The following SLCO3A1 variants were observed in gnomAD, a reference collection of about 807,000 sequenced individuals.
SLCO3A1 encodes the protein PGE1 transporter.
SLCO3A1 carries 27 observed loss-of-function variants against 63.1 expected under a neutral mutation model. The ratio of observed to expected loss-of-function variants is 0.43; its 90% CI spans 0.32 to 0.59. SLCO3A1 has a LOEUF of 0.59. Among genes scored for constraint, SLCO3A1 ranks in the 20% least tolerant of loss-of-function variants. The pLI is 0.09. For missense variants in SLCO3A1, 773 were observed against 945.8 expected (o/e 0.82, Z 2.40); for synonymous variants, 473 against 409.9 (o/e 1.15, Z -1.86).
chr15:92,166,974 A>C (rs1307156468), downstream of SLCO3A1, among the ~76,000 whole-genome samples: 1 of 152,256 alleles, frequency 6.6e-6, no homozygotes, highest in African/African-American at 2.4e-5. Flanking sequence ...GTGGCAAGCT[A>C]TGAAGGTCAG....
At position 91,927,031 on chromosome 15, in the gene SLCO3A1, T is replaced by C. The variant is rs182074293; in HGVS notation, c.646+10573T>C. On this transcript the variant is annotated intron_variant, in intron 2 of 9. Coordinates refer to ENST00000318445, the MANE Select transcript of SLCO3A1 (RefSeq NM_013272.4). ...TTAGAGACTGGAATGTTGTTCACTG[T>C]TCAGCTCTTAGCTTGTTTTGCTCCC... 6.6e-5 allele frequency among the ~76,000 whole-genome samples: 10 copies of C among 152,264 alleles called. No individual in the cohort carries two copies. The East Asian group carries it at 1.5e-3, about 24-fold the overall frequency.
intron 2 of SLCO3A1, among the ~76,000 whole-genome samples, chr15:92,016,204 T>TAG (rs1567067728): frequency 6.7e-4 from 80 of 120,208 alleles, no homozygotes; most frequent in South Asian, 2.3e-3. Context: ...TATATATTTA[T>TAG]ATAGATAGAT....
chr15:91,888,486 T>C (rs2151354224), intron 1 of SLCO3A1, among the ~76,000 whole-genome samples: 1 of 152,334 alleles, frequency 6.6e-6, no homozygotes, highest in South Asian at 2.1e-4. Context: ...TTAGTGTGAC[T>C]CTAGAATTAA....
At position 91,885,517 on chromosome 15, in the gene SLCO3A1, T is replaced by A. The variant is rs1369642394; in HGVS notation, c.181-30476T>A. ...CATACATTACAGGAAAAGGGAGCCC[T>A]TTGCTGCTGGGCAGCGGGGCCCAAG... is the stretch of plus-strand genomic sequence containing the variant. On this transcript the variant is annotated intron_variant, in intron 1 of 9. Coordinates refer to ENST00000318445, the MANE Select transcript of SLCO3A1 (RefSeq NM_013272.4). The surrounding 1 kb of genome is among the most constrained non-coding windows in gnomAD (Gnocchi z 4.7). Among the ~76,000 whole-genome samples, 1 of 152,186 alleles carries A rather than the reference T, an allele frequency of 6.6e-6. No homozygotes were observed. Among genetic ancestry groups the A allele is most frequent in the Non-Finnish European group, 1.5e-5 (1 of 68,010 alleles).
chr15:92,015,390 C>T (rs72755702), intron 2 of SLCO3A1, among the ~76,000 whole-genome samples: 12,650 of 152,006 alleles, frequency 0.083, 622 homozygotes, highest in African/African-American at 0.13. Context: ...GTACCTTCTT[C>T]GCAAGGCAGC....
chr15:91,906,702 C>T (rs1183013840), intron 1 of SLCO3A1, among the ~76,000 whole-genome samples: 1 of 152,148 alleles, frequency 6.6e-6, no homozygotes, highest in African/African-American at 2.4e-5. Context: ...AGCCCTGGCA[C>T]CACAGAAGTT....
chr15:91,988,125 G>C (rs182401206), intron 2 of SLCO3A1, among the ~76,000 whole-genome samples: 240 of 152,284 alleles, frequency 1.6e-3, no homozygotes, highest in African/African-American at 5.6e-3. Context: ...GCGTAGGGTT[G>C]GGTGCGGTGG....
chr15:92,171,900 C>G, exon 11 of SLCO3A1: 1 of 1,469,328 alleles, frequency 6.8e-7, no homozygotes, highest in African/African-American at 1.4e-5. Flanking sequence ...GAGAACAGCC[C>G]ACCACCACCC....
At chr15:91,972,918 C>T (rs1475944240) in intron 2 of SLCO3A1, among the ~76,000 whole-genome samples, 2 of 152,116 alleles carry the variant, frequency 1.3e-5, no homozygotes, top group African/African-American at 4.8e-5. Flanking sequence ...GTCAGGGGTT[C>T]GAGACCATCC....
At chr15:92,058,492 G>A (rs952141131) in intron 2 of SLCO3A1, among the ~76,000 whole-genome samples, 1 of 152,016 alleles carries the variant, frequency 6.6e-6, no homozygotes, top group Non-Finnish European at 1.5e-5. Context: ...TGGGTGTCCC[G>A]CAGGGTATGG....
rs1294088918 is a variant in SLCO3A1, at chr15:91,900,149, G to T, written c.181-15844G>T. Among the ~76,000 whole-genome samples, 2 of 152,066 alleles carry T rather than the reference G, an allele frequency of 1.3e-5. No homozygotes were observed. The highest frequency in any genetic ancestry group is 4.8e-5 in the African/African-American group (2 of 41,408). ...AAATGTGTGTTTTTAATTCTCTTAG[G>T]TAGATACCTGGGAGTAGAATTACTG... On this transcript the variant is annotated intron_variant, in intron 1 of 9. Coordinates refer to ENST00000318445, the MANE Select transcript of SLCO3A1 (RefSeq NM_013272.4). The surrounding 1 kb of genome is among the most constrained non-coding windows in gnomAD (Gnocchi z 4.3).
intron 9 of SLCO3A1, chr15:92,153,413 A>AGC (rs2048332448): frequency 3.9e-5 from 6 of 152,180 alleles, no homozygotes; most frequent in African/African-American, 1.4e-4. Context: ...CCTGCTCTAG[A>AGC]AGACTATGAC....
At chr15:91,906,342 C>G (rs146951177) in intron 1 of SLCO3A1, among the ~76,000 whole-genome samples, 3,685 of 152,108 alleles carry the variant, frequency 0.024, 77 homozygotes, top group Non-Finnish European at 0.039. Flanking sequence ...TTTATTCATC[C>G]TTTATGATAA....
Position 91,998,460 on chromosome 15 carries a change from A to T in SLCO3A1, c.646+82002A>T, listed in dbSNP as rs1303063934. ...CAGAGTGAGACTCTGCCTCAAAAAT[A>T]AAAAAAAAAGTGGGCAAAAGACATG... On this transcript the variant is annotated intron_variant, in intron 2 of 9. Coordinates refer to ENST00000318445, the MANE Select transcript of SLCO3A1 (RefSeq NM_013272.4). Among the ~76,000 whole-genome samples the T allele has an allele frequency of 4.7e-5, 7 of 148,956 alleles. No individual in the cohort carries two copies. In the East Asian group the frequency reaches 1.4e-3, roughly 29 times the overall value.
intron 7 of SLCO3A1, 118 bp downstream of exon 7, chr15:92,128,607 C>A: frequency 1.2e-6 from 1 of 851,708 alleles, no homozygotes; most frequent in Non-Finnish European, 1.8e-6. Flanking sequence ...TGTTGCCTTG[C>A]TGTAGTGGAA....
chr15:91,905,518 AT>A (rs145728527), intron 1 of SLCO3A1, among the ~76,000 whole-genome samples: 2 of 150,870 alleles, frequency 1.3e-5, no homozygotes, highest in South Asian at 2.1e-4. Flanking sequence ...CTGTGTTGTT[AT>A]TTTTTTTATT....
At chr15:91,889,861 A>T (rs1897827932) in intron 1 of SLCO3A1, among the ~76,000 whole-genome samples, 1 of 150,978 alleles carries the variant, frequency 6.6e-6, no homozygotes, top group South Asian at 2.1e-4. Context: ...ATTTTCTGTT[A>T]CATTTAAGAC....
In SLCO3A1 at chr15:91,948,007, A is replaced by G. The variant is rs1421613031; in HGVS notation, c.646+31549A>G. 6.6e-6 allele frequency among the ~76,000 whole-genome samples: 1 copy of G among 152,152 alleles called. No homozygotes were observed. Among genetic ancestry groups the G allele is most frequent in the East Asian group, 1.9e-4 (1 of 5,186 alleles). ...CATGTGAGAATTGTTTATCCTCCCA[A>G]CTAGGTGTTCCAGCAGGGCCGTGGG... On this transcript the variant is annotated intron_variant, in intron 2 of 9. Coordinates refer to ENST00000318445, the MANE Select transcript of SLCO3A1 (RefSeq NM_013272.4). This position sits in a 1 kb window ranked among gnomAD's most constrained non-coding sequence, Gnocchi z 4.8.
intron 7 of SLCO3A1, among the ~76,000 whole-genome samples, chr15:92,134,579 A>G (rs1384109068): frequency 6.6e-6 from 1 of 152,234 alleles, no homozygotes; most frequent in Non-Finnish European, 1.5e-5. Flanking sequence ...AAACATCTAA[A>G]TATATGCATA....
Sources: allele counts gnomAD v4.1 joint callset (sites outside exome capture counted in the v4.1 genomes callset), GRCh38; gene constraint gnomAD v4.1.1; non-coding constraint Gnocchi (gnomAD v3.1); transcripts MANE v1.5; gene names NCBI Gene and HGNC (gene_info 2026-07-23, HGNC 2026-07-21).